ARHGEF6: variants seen among roughly 807,000 people sequenced by gnomAD.
The protein encoded by ARHGEF6 is Rac/Cdc42 guanine nucleotide exchange factor 6, also known as rho guanine nucleotide exchange factor 6.
A neutral mutation model predicts 70.3 loss-of-function variants in ARHGEF6; 9 were observed. The ratio of observed to expected loss-of-function variants is 0.13; its 90% confidence interval spans 0.08 to 0.22. ARHGEF6 has a LOEUF of 0.22. Among genes scored for constraint, ARHGEF6 ranks in the 10% least tolerant of loss-of-function variants. The probability of loss-of-function intolerance (pLI) is 1.00; values close to 1 mark genes in which losing one functional copy is unlikely to be tolerated. For synonymous variants in ARHGEF6, 201 were observed against 207.8 expected (o/e 0.97, Z 0.28); for missense variants, 470 against 563.0 (o/e 0.83, Z 1.67).
At chrX:136,722,465 A>G (rs779817989) in intron 6 of ARHGEF6, among the ~76,000 whole-genome samples, 16 of 112,090 alleles carry the variant, frequency 1.4e-4, no homozygotes, top group Non-Finnish European at 3.0e-4. Flanking sequence ...AACTATTACA[A>G]CTCAACAACA....
At chrX:136,725,363 G>GC (rs367945565) in intron 6 of ARHGEF6, among the ~76,000 whole-genome samples, 3,288 of 98,495 alleles carry the variant, frequency 0.033, 114 homozygotes, top group African/African-American at 0.087. Context: ...ATCAAATTAT[G>GC]CCCCCCCCCC....
At position 136,747,566 on chromosome X, in the gene ARHGEF6, T is replaced by C. The variant is rs1186225486; in HGVS notation, c.276A>G (p.Ser92=). ...TCAGTACCTTGGAGAAATTGACCCCTGAATAAAGGTCATCAGGATCAAATA... is the reference window on the plus strand; with the variant it reads ...TCAGTACCTTGGAGAAATTGACCCCCGAATAAAGGTCATCAGGATCAAATA... The part of the protein sequence containing the change: ...VEIFDPDDLY[S]GVNFSKVLST... The change falls in exon 3 of 22, where the codon TCA becomes TCG. Residue 92 remains serine, a synonymous_variant. Transcript: ENST00000250617. The C allele has an allele frequency of 8.3e-7, 1 of 1,203,001 alleles. No homozygotes were observed. The highest frequency in any genetic ancestry group is 1.8e-5 in the South Asian group (1 of 56,730).
At position 136,687,435 on chromosome X, in the gene ARHGEF6, C is replaced by T. The variant is rs374338508; in HGVS notation, c.1245+497G>A. Among the ~76,000 whole-genome samples the T allele has an allele frequency of 2.2e-4, 25 of 112,431 alleles. No homozygotes were observed. In the South Asian group the frequency reaches 8.1e-3, roughly 36 times the overall value. The stretch of plus-strand genomic sequence containing the variant: ...CCATCATACTGAAGATACAAGATCA[C>T]GTGTACCTTTGATAGCAACCTATAT... On this transcript the variant is annotated intron_variant, in intron 11 of 21. Transcript: ENST00000250617.
intron 9 of ARHGEF6, among the ~76,000 whole-genome samples, chrX:136,693,114 ATGAC>A (rs2076475239): frequency 8.9e-6 from 1 of 112,373 alleles, no homozygotes; most frequent in East Asian, 2.8e-4. Flanking sequence ...CAGTGACTAA[ATGAC>A]TGCCCGCATC....
chrX:136,733,449 T>A (rs1278232223), intron 5 of ARHGEF6, among the ~76,000 whole-genome samples: 2 of 111,355 alleles, frequency 1.8e-5, no homozygotes, highest in African/African-American at 3.3e-5. Context: ...GAGCTAACCA[T>A]CATCATTTAG....
intron 6 of ARHGEF6, among the ~76,000 whole-genome samples, chrX:136,730,968 T>C (rs1407974464): frequency 9.0e-6 from 1 of 111,436 alleles, no homozygotes; most frequent in Non-Finnish European, 1.9e-5. Flanking sequence ...CATCCACCAT[T>C]CCACTACAAC....
At position 136,675,047 on chromosome X, in the gene ARHGEF6, G is replaced by A. The variant is rs2076265086; in HGVS notation, c.1995C>T (p.Ala665=). 1.7e-6 allele frequency: 2 copies of A among 1,209,950 alleles called. No homozygotes were observed. The change falls in exon 19 of 22, where the codon GCC becomes GCT. Residue 665 remains alanine, a synonymous_variant. Transcript: ENST00000250617. ...EDAQILKVIE[A]YCTSANFQQG... ...GTTGAAAATTTGCGCTGGTGCAGTA[G>A]GCTTCGATCACTTTAAGGATTTGAG...
chrX:136,774,442 G>C (rs776253952), intron 2 of ARHGEF6, among the ~76,000 whole-genome samples: 8 of 110,198 alleles, frequency 7.3e-5, no homozygotes, highest in Non-Finnish European at 1.5e-4. Context: ...CTTGAGGTCA[G>C]GAGCTTGAGA....
At chrX:136,675,204 T>C (rs1249375602) in intron 18 of ARHGEF6, 108 bp from the exon 19 acceptor site, 2 of 669,574 alleles carry the variant, frequency 3.0e-6, no homozygotes, top group Non-Finnish European at 4.7e-6. Context: ...CCAGTAGAGT[T>C]TGTGAAAGGC....
intron 9 of ARHGEF6, among the ~76,000 whole-genome samples, chrX:136,692,136 T>A (rs2076465008): frequency 8.9e-6 from 1 of 111,903 alleles, no homozygotes; most frequent in African/African-American, 3.2e-5. Flanking sequence ...TTTCAGCTAA[T>A]GCAACAGCAG....
chrX:136,725,121 A>C (rs1340659162), intron 6 of ARHGEF6, among the ~76,000 whole-genome samples: 1 of 110,477 alleles, frequency 9.1e-6, no homozygotes, highest in African/African-American at 3.3e-5. Flanking sequence ...CAGTGGGTTT[A>C]TTTGCTAGGT....
At chrX:136,717,311 G>C (rs1380510585) in intron 6 of ARHGEF6, among the ~76,000 whole-genome samples, 1 of 112,081 alleles carries the variant, frequency 8.9e-6, no homozygotes, top group African/African-American at 3.2e-5. Flanking sequence ...AGAGTTGAGT[G>C]AAATATTTAA....
rs978468670 is a variant in ARHGEF6 at position 136,667,854 on chromosome X, G to A, written c.*175C>T. The A allele has an allele frequency of 5.0e-6, 3 of 601,436 alleles. No individual in the cohort carries two copies. The highest frequency in any genetic ancestry group is 3.6e-5 in the East Asian group (1 of 27,540). The allele number at this position is 601,436 out of a possible 1,213,427, so 49.6% of individuals were successfully genotyped here. On this transcript the variant is annotated 3_prime_UTR_variant, in exon 22 of 22. Transcript: ENST00000250617. ...CAACAGCAAATGCCCAAGCGCGCAC[G>A]TGCACGCACACACATATGCACACAG...
Position 136,779,506 on chromosome X carries a change from A to G in ARHGEF6, c.166-9T>C. On this transcript the variant is annotated splice_polypyrimidine_tract_variant and intron_variant, in intron 1 of 21. Coordinates refer to ENST00000250617, the MANE Select transcript of ARHGEF6 (RefSeq NM_004840.3). ...TGGGGATCCAGACAAAACTAGAGGA[A>G]CACAGTGAAATGTCACTTGGAGATT... is the stretch of plus-strand genomic sequence containing the variant. The G allele has an allele frequency of 8.4e-7, 1 of 1,196,170 alleles. No homozygotes were observed. Among genetic ancestry groups the G allele is most frequent in the Non-Finnish European group, 1.1e-6 (1 of 881,273 alleles).
intron 11 of ARHGEF6, among the ~76,000 whole-genome samples, chrX:136,686,588 G>A (rs1188080695): frequency 5.1e-5 from 3 of 58,448 alleles, no homozygotes; most frequent in Non-Finnish European, 8.4e-5. Flanking sequence ...GTGTGTGTAT[G>A]TGTGTGTATA....
intron 20 of ARHGEF6, among the ~76,000 whole-genome samples, chrX:136,671,492 T>C (rs1299130168): frequency 8.9e-6 from 1 of 112,531 alleles, no homozygotes; most frequent in Non-Finnish European, 1.9e-5. Flanking sequence ...CCCACACTAC[T>C]GTGTAAAGGT....
At chrX:136,759,395 T>C (rs751704690) in intron 2 of ARHGEF6, among the ~76,000 whole-genome samples, 15 of 111,277 alleles carry the variant, frequency 1.3e-4, no homozygotes, top group Non-Finnish European at 2.6e-4. Context: ...ATCCCAGCAC[T>C]TTGGGAGGCC....
At chrX:136,708,196 C>T (rs2076646380) in intron 8 of ARHGEF6, among the ~76,000 whole-genome samples, 1 of 110,556 alleles carries the variant, frequency 9.0e-6, no homozygotes, top group African/African-American at 3.3e-5. Flanking sequence ...GGGACCATCA[C>T]ACACTGGGGC....
chrX:136,732,029 C>T (rs1420251159), intron 6 of ARHGEF6, 73 bp downstream of exon 6: 9 of 830,638 alleles, frequency 1.1e-5, no homozygotes, highest in African/African-American at 8.1e-5. Context: ...CACCTCAACA[C>T]ATCAATGGTT....
Sources: gnomAD v4.1 joint callset for allele counts (sites outside exome capture counted in the v4.1 genomes callset) on GRCh38, gnomAD v4.1.1 for gene constraint, MANE v1.5 for transcripts, NCBI Gene and HGNC (gene_info 2026-07-23, HGNC 2026-07-21) for gene names.